The following SPC24 variants were observed in gnomAD, a reference collection of about 807,000 sequenced individuals.
The protein encoded by SPC24 is kinetochore protein Spc24.
Under a neutral mutation model 27.6 loss-of-function variants are expected in SPC24, and 31 were observed. The ratio of observed to expected loss-of-function variants is 1.12; its 90% CI spans 0.84 to 1.52. The LOEUF (loss-of-function observed/expected upper bound fraction) is 1.52, where lower values mean the gene tolerates loss of function less well. Ranked by LOEUF, SPC24 falls within the 40% of genes most tolerant of loss-of-function variation. The probability of loss-of-function intolerance (pLI) is 0.00; values close to 1 mark genes in which losing one functional copy is unlikely to be tolerated. For missense variants in SPC24, 284 were observed against 252.5 expected, an observed-to-expected ratio of 1.12 and a Z score of -0.84; for synonymous variants, 105 against 105.8, an observed-to-expected ratio of 0.99 and a Z score of 0.05.
intron 1 of SPC24, among the ~76,000 whole-genome samples, chr19:11,149,587 T>TA (rs1211295612): frequency 1.3e-4 from 20 of 151,066 alleles, no homozygotes; most frequent in Admixed American, 7.9e-4. Context: ...TCTACAAAAC[T>TA]AAAAAAAATT....
chr19:11,151,727 A>C (rs2147322563), intron 1 of SPC24, among the ~76,000 whole-genome samples: 1 of 151,816 alleles, frequency 6.6e-6, no homozygotes, highest in African/African-American at 2.4e-5. Context: ...CTCCTGCCTC[A>C]GCCTCCTGAG....
rs1054272458 is a variant in SPC24, at chr19:11,145,515, T to A, written c.*1668A>T. On this transcript the variant is annotated 3_prime_UTR_variant, in exon 5 of 5. Coordinates refer to ENST00000592540, the MANE Select transcript of SPC24 (RefSeq NM_182513.4). The stretch of plus-strand genomic sequence containing the variant: ...GACTGGAGTACATGTTCAGTTAGGG[T>A]TTATTTTGGTATCTGTCATAGAAAA... 1.3e-5 allele frequency: 2 copies of A among 152,076 alleles called. No homozygotes were observed. The highest frequency in any genetic ancestry group is 2.9e-5 in the Non-Finnish European group (2 of 68,018). The allele number at this position is 152,076 out of a possible 1,614,324, so 9.4% of individuals were successfully genotyped here.
rs925113949 is a variant in SPC24 at position 11,148,249 on chromosome 19, C to T, written c.306-132G>A. ...TTGAGTCAGAGTTTTGCTTTGTCACCCAGGCTGGAGTGCAGTGGCACGACC... is the reference window on the plus strand; with the variant it reads ...TTGAGTCAGAGTTTTGCTTTGTCACTCAGGCTGGAGTGCAGTGGCACGACC... On this transcript the variant is annotated intron_variant, in intron 2 of 4. Transcript: ENST00000592540. 1.2e-5 allele frequency: 8 copies of T among 651,858 alleles called. No homozygotes were observed. The African/African-American group carries it at 1.5e-4, about 12-fold the overall frequency. The allele number at this position is 651,858 out of a possible 1,614,324, so 40.4% of individuals were successfully genotyped here. A position where few individuals can be genotyped will look rare whatever the true frequency, so the allele number is the denominator to read the frequency against.
chr19:11,147,875 G>A lies in SPC24; in HGVS notation c.430C>T (p.His144Tyr). ...TCCCACTCAATTTTACTAACTTGGT[G>A]GTAAAGTTGAGCCACGTACCTGTAC... ...PSAVYVAQLY[H>Y]QVSKIEWDYE... Residue 144 changes from histidine to tyrosine, a missense_variant, in exon 4 of 5, where the codon CAC becomes TAC. Coordinates refer to ENST00000592540, the MANE Select transcript of SPC24 (RefSeq NM_182513.4). 6.3e-7 allele frequency: 1 copy of A among 1,595,278 alleles called. No individual in the cohort carries two copies. The highest frequency in any genetic ancestry group is 8.6e-7 in the Non-Finnish European group (1 of 1,168,824).
In SPC24 at chr19:11,146,994, C is replaced by A. The variant is rs1279782689; in HGVS notation, c.*189G>T. On this transcript the variant is annotated 3_prime_UTR_variant, in exon 5 of 5. Transcript: ENST00000592540. ...ACTTTGGAGGCTGAGGCAGGAGAAT[C>A]GCTTGAACCCAGGAGGCAGAGGTTG... 1.4e-4 allele frequency: 53 copies of A among 370,894 alleles called. No individual in the cohort carries two copies. The highest frequency in any genetic ancestry group is 1.2e-3 in the South Asian group (35 of 29,868). 23.0% of individuals were successfully genotyped at this position (370,894 alleles called of 1,614,324 possible).
Position 11,150,244 on chromosome 19 carries a change from G to A in SPC24, c.161-1006C>T, listed in dbSNP as rs188498701. Among the ~76,000 whole-genome samples, 150 of 145,560 alleles carry A rather than the reference G, an allele frequency of 1.0e-3. 1 individual carries two copies. The highest frequency in any genetic ancestry group is 3.5e-3 in the African/African-American group (139 of 39,248). ...GGTGGCTCATACCTGTAATCCCAGC[G>A]CTTTGGGAGGCCCAGGCAGATCACC... On this transcript the variant is annotated intron_variant, in intron 1 of 4. Coordinates refer to ENST00000592540, the MANE Select transcript of SPC24 (RefSeq NM_182513.4).
At chr19:11,152,064 G>C (rs2077876778) in intron 1 of SPC24, among the ~76,000 whole-genome samples, 1 of 151,744 alleles carries the variant, frequency 6.6e-6, no homozygotes, top group African/African-American at 2.4e-5. Context: ...GGGATTACAG[G>C]CATGCACCAC....
At chr19:11,153,903 T>A (rs1246562228) in intron 1 of SPC24, among the ~76,000 whole-genome samples, 1 of 71,970 alleles carries the variant, frequency 1.4e-5, no homozygotes, top group African/African-American at 4.2e-5. Context: ...CCGTCTCTAC[T>A]AAAAAAATAT....
At position 11,148,049 on chromosome 19, in the gene SPC24, A is replaced by T. The variant is rs1339309344; in HGVS notation, c.374T>A (p.Val125Asp). 6.2e-7 allele frequency: 1 copy of T among 1,613,392 alleles called. No homozygotes were observed. The highest frequency in any genetic ancestry group is 8.5e-7 in the Non-Finnish European group (1 of 1,179,816). The change falls in exon 3 of 5, where the codon GTC (valine) becomes GAC (aspartate). Residue 125 changes from valine to aspartate, a missense_variant. By Grantham distance (152) the Val-to-Asp change is radical (BLOSUM62 -3). Coordinates refer to ENST00000592540, the MANE Select transcript of SPC24 (RefSeq NM_182513.4). The stretch of plus-strand genomic sequence containing the variant: ...GATTGTGACTGTCGTGTCCTCGTCG[A>T]CCTCCTTCTCCTGTCGCTCCAGATC... ...EADLERQEKE[V>D]DEDTTVTIPS...
rs117523171 is a variant in SPC24, at chr19:11,151,621, G to C, written c.161-2383C>G. On this transcript the variant is annotated intron_variant, in intron 1 of 4. Transcript: ENST00000592540. ...CAGCTGAGGGGATACTTTTTTTTTG[G>C]GGGGGGGGGATGGAGTCTTGCCCTG... 6.0e-5 allele frequency among the ~76,000 whole-genome samples: 9 copies of C among 149,658 alleles called. No individual in the cohort carries two copies. The East Asian group carries it at 9.9e-4, about 16-fold the overall frequency.
Position 11,155,755 on chromosome 19 carries a change from C to T in SPC24, c.22G>A (p.Glu8Lys), listed in dbSNP as rs2077907032. The change falls in exon 1 of 5, where the codon GAG becomes AAG. Residue 8 changes from glutamate (E) to lysine (K), a missense_variant. By Grantham distance (56) the Glu-to-Lys change is moderately conservative. Transcript: ENST00000592540. MAAFRDI[E>K]EVSQGLLSLL... ...CTGAGCAGCCCCTGGCTCACCTCCT[C>T]TATGTCGCGGAAGGCGGCCATGACT... 1 of 1,553,620 alleles carries T rather than the reference C, an allele frequency of 6.4e-7. No homozygotes were observed. Among genetic ancestry groups the T allele is most frequent in the Non-Finnish European group, 8.7e-7 (1 of 1,155,970 alleles).
rs867936605 is a variant in SPC24 at position 11,155,719 on chromosome 19, C to T, written c.58G>A (p.Ala20Thr). ...VSQGLLSLLG[A>T]NRAEAQQRRL... is the part of the protein sequence containing the mutation. ...CGCTGCTGCGCCTCCGCGCGGTTGG[C>T]GCCCAGCAGGCTGAGCAGCCCCTGG... is the stretch of plus-strand genomic sequence containing the variant. Residue 20 changes from alanine (A) to threonine (T), a missense_variant, in exon 1 of 5, where the codon GCC becomes ACC. Physicochemically the swap from Ala to Thr is moderately conservative, Grantham distance 58 (BLOSUM62 0). Coordinates refer to ENST00000592540, the MANE Select transcript of SPC24 (RefSeq NM_182513.4). The T allele has an allele frequency of 1.9e-6, 3 of 1,576,998 alleles. No homozygotes were observed. Among genetic ancestry groups the T allele is most frequent in the Non-Finnish European group, 2.6e-6 (3 of 1,169,606 alleles).
intron 1 of SPC24, among the ~76,000 whole-genome samples, chr19:11,152,934 A>G (rs558462531): frequency 6.6e-6 from 1 of 151,800 alleles, no homozygotes; most frequent in South Asian, 2.1e-4. Flanking sequence ...TGCATTTGCA[A>G]TCCACGCTGC....
chr19:11,150,440 C>T (rs370960859), intron 1 of SPC24, among the ~76,000 whole-genome samples: 1 of 151,414 alleles, frequency 6.6e-6, no homozygotes, highest in Non-Finnish European at 1.5e-5. Context: ...GAGCCGACAT[C>T]GCGCCATTGC....
At chr19:11,151,273 C>T (rs995635218) in intron 1 of SPC24, among the ~76,000 whole-genome samples, 2 of 151,232 alleles carry the variant, frequency 1.3e-5, no homozygotes, top group Non-Finnish European at 2.9e-5. Context: ...CAAACATGAA[C>T]ACACACGCAC....
intron 1 of SPC24, among the ~76,000 whole-genome samples, chr19:11,154,666 GGT>G (rs1281942406): frequency 1.6e-5 from 2 of 127,484 alleles, no homozygotes; most frequent in African/African-American, 6.2e-5. Context: ...CACTAGGAAG[GGT>G]AGATATTGTA....
At chr19:11,153,911 T>A (rs28796907) in intron 1 of SPC24, among the ~76,000 whole-genome samples, 8,338 of 31,256 alleles carry the variant, frequency 0.27, 715 homozygotes, top group African/African-American at 0.42. Context: ...ACTAAAAAAA[T>A]ATATATAAAA....
At chr19:11,149,849 T>C (rs1279748369) in intron 1 of SPC24, among the ~76,000 whole-genome samples, 1 of 151,418 alleles carries the variant, frequency 6.6e-6, no homozygotes, top group East Asian at 2.0e-4. Flanking sequence ...TCACTGGGAT[T>C]ACATGCGCCT....
chr19:11,151,809 C>T (rs970917128), intron 1 of SPC24, among the ~76,000 whole-genome samples: 3 of 151,770 alleles, frequency 2.0e-5, no homozygotes, highest in Non-Finnish European at 4.4e-5. Flanking sequence ...GGTGTTTCAC[C>T]ATGTTGGCCA....
Sources: gnomAD v4.1 joint callset for allele counts (sites outside exome capture counted in the v4.1 genomes callset) on GRCh38, gnomAD v4.1.1 for gene constraint, MANE v1.5 for transcripts, NCBI Gene and HGNC (gene_info 2026-07-23, HGNC 2026-07-21) for gene names.